Variants in BEND7 observed in about 807,000 individuals in gnomAD.
BEND7 encodes the protein BEN domain-containing protein 7.
Under a neutral mutation model 50.9 loss-of-function variants are expected in BEND7, and 28 were observed. The observed-to-expected ratio is 0.55, with a 90% confidence interval of 0.41 to 0.75. The LOEUF (loss-of-function observed/expected upper bound fraction) is 0.75, where lower values mean the gene tolerates loss of function less well. BEND7 is among the 30% of genes least tolerant of loss of function. The probability of loss-of-function intolerance (pLI) is 0.00; values close to 1 mark genes in which losing one functional copy is unlikely to be tolerated. For synonymous variants in BEND7, 170 were observed against 183.9 expected (o/e 0.92, Z 0.61); for missense variants, 477 against 491.3 (o/e 0.97, Z 0.28).
intron 6 of BEND7, among the ~76,000 whole-genome samples, chr10:13,463,782 T>C (rs764020301): frequency 6.6e-6 from 1 of 152,174 alleles, no homozygotes; most frequent in Non-Finnish European, 1.5e-5. Flanking sequence ...AGGCAACGTC[T>C]TCACAACTGG....
At chr10:13,445,030 G>A (rs1028013908) in intron 8 of BEND7, 11 of 152,120 alleles carry the variant, frequency 7.2e-5, no homozygotes, top group African/African-American at 2.4e-4. Context: ...GTGTTAGCCA[G>A]GATGGTCTCG....
At chr10:13,460,560 C>T (rs983490000) in intron 6 of BEND7, among the ~76,000 whole-genome samples, 7 of 152,336 alleles carry the variant, frequency 4.6e-5, no homozygotes, top group South Asian at 2.1e-4. Flanking sequence ...TGACTCTTCA[C>T]GCGTCCTCAA....
intron 4 of BEND7, among the ~76,000 whole-genome samples, chr10:13,495,085 T>C (rs1335208687): frequency 6.6e-6 from 1 of 152,240 alleles, no homozygotes; most frequent in Admixed American, 6.5e-5. Context: ...ATTTAAATGG[T>C]TGCAATTTGT....
chr10:13,512,268 C>G (rs944404043), intron 2 of BEND7, among the ~76,000 whole-genome samples: 8 of 152,148 alleles, frequency 5.3e-5, no homozygotes, highest in African/African-American at 1.9e-4. Flanking sequence ...GATCCTGTCT[C>G]TTAGAAAAAA....
At chr10:13,514,740 A>C (rs2078538746) in intron 2 of BEND7, among the ~76,000 whole-genome samples, 1 of 152,248 alleles carries the variant, frequency 6.6e-6, no homozygotes, top group Non-Finnish European at 1.5e-5. Context: ...CATGCTGTGC[A>C]TATTAAGGTA....
chr10:13,459,672 A>C (rs1014252079), intron 6 of BEND7: 5 of 152,216 alleles, frequency 3.3e-5, no homozygotes, highest in African/African-American at 9.6e-5. Flanking sequence ...ACTCAGAAAA[A>C]ATTCAGACCT....
Position 13,499,819 on chromosome 10 carries a change from CT to C in BEND7, c.406del (p.Arg136GlufsTer20). 1 of 1,613,804 alleles carries C rather than the reference CT, an allele frequency of 6.2e-7. No individual in the cohort carries two copies. On this transcript the variant is annotated frameshift_variant, in exon 3 of 9. Transcript: ENST00000466271. LOFTEE classifies it high-confidence loss of function. ...QFSGQYGTRS[R>X]TFQSQPHPTT... ...AGGGTGGGGCTGGCTTTGGAAGGTT[CT>C]AGAACGGGTGCCATACTGCCCTGAG...
At chr10:13,470,910 A>C (rs941094924) in intron 6 of BEND7, among the ~76,000 whole-genome samples, 1 of 152,236 alleles carries the variant, frequency 6.6e-6, no homozygotes, top group Non-Finnish European at 1.5e-5. Context: ...AATGAGCATG[A>C]GCCTTAAGCA....
At chr10:13,476,128 G>A (rs1208688528) in intron 6 of BEND7, among the ~76,000 whole-genome samples, 3 of 152,148 alleles carry the variant, frequency 2.0e-5, no homozygotes, top group Non-Finnish European at 4.4e-5. Flanking sequence ...AATGGAAATA[G>A]AGATACTATA....
intron 3 of BEND7, among the ~76,000 whole-genome samples, chr10:13,498,824 A>T (rs1373560194): frequency 6.6e-6 from 1 of 152,218 alleles, no homozygotes; most frequent in Non-Finnish European, 1.5e-5. Flanking sequence ...TACTACTGAG[A>T]GGCAGAGAAG....
chr10:13,458,517 T>C (rs964479118), intron 6 of BEND7, among the ~76,000 whole-genome samples: 1 of 152,238 alleles, frequency 6.6e-6, no homozygotes, highest in African/African-American at 2.4e-5. Context: ...AGCTTTCACA[T>C]CGCTGTGAAA....
chr10:13,478,777 T>C (rs969867743), intron 6 of BEND7, among the ~76,000 whole-genome samples: 2 of 152,158 alleles, frequency 1.3e-5, no homozygotes, highest in South Asian at 2.1e-4. Flanking sequence ...AAACTATTTG[T>C]TGATTTATGT....
intron 6 of BEND7, among the ~76,000 whole-genome samples, chr10:13,478,299 G>C (rs2131664716): frequency 6.6e-6 from 1 of 152,314 alleles, no homozygotes; most frequent in Non-Finnish European, 1.5e-5. Context: ...TCTTTGGGCA[G>C]ATAAGGGAGT....
intron 5 of BEND7, among the ~76,000 whole-genome samples, chr10:13,489,197 G>A (rs912224734): frequency 2.0e-5 from 3 of 152,084 alleles, no homozygotes; most frequent in African/African-American, 7.2e-5. Context: ...GAGGGGTCAG[G>A]TTCATTGCTC....
At chr10:13,438,896 G>T, downstream of BEND7, 1 of 392,856 alleles carries the variant, frequency 2.5e-6, no homozygotes, top group Non-Finnish European at 4.7e-6. Context: ...CTGTGATAAA[G>T]GCTCTGGGTT....
At chr10:13,488,775 C>T (rs2076440374) in intron 5 of BEND7, among the ~76,000 whole-genome samples, 1 of 152,228 alleles carries the variant, frequency 6.6e-6, no homozygotes, top group Admixed American at 6.5e-5. Flanking sequence ...GCGTGAGCCA[C>T]CGCGCCCGGC....
At chr10:13,452,516 A>AT (rs1186202037) in intron 7 of BEND7, 23 bp downstream of exon 7, 10 of 1,582,644 alleles carry the variant, frequency 6.3e-6, no homozygotes, top group Non-Finnish European at 3.4e-6. Context: ...TTCTCCAATT[A>AT]TTTTTCTGCA....
intron 7 of BEND7, among the ~76,000 whole-genome samples, chr10:13,450,858 T>C (rs1379731980): frequency 6.6e-6 from 1 of 151,884 alleles, no homozygotes; most frequent in Admixed American, 6.6e-5. Flanking sequence ...GCATTTGTGA[T>C]GGGAATTATT....
intron 8 of BEND7, chr10:13,442,738 T>C (rs1165907813): frequency 6.6e-6 from 1 of 152,228 alleles, no homozygotes; most frequent in African/African-American, 2.4e-5. Flanking sequence ...TATTTTGTCA[T>C]TGTGTTGACG....
Sources: allele counts gnomAD v4.1 joint callset (sites outside exome capture counted in the v4.1 genomes callset), GRCh38; gene constraint gnomAD v4.1.1; transcripts MANE v1.5; gene names NCBI Gene and HGNC (gene_info 2026-07-23, HGNC 2026-07-21).